IGF2R: variants seen among roughly 807,000 people sequenced by gnomAD.
IGF2R encodes insulin like growth factor 2 receptor, also known as cation-independent mannose-6-phosphate receptor.
A neutral mutation model predicts 270.6 loss-of-function variants in IGF2R; 91 were observed. That is an observed-to-expected ratio of 0.34 (90% CI 0.28 to 0.40). IGF2R has a LOEUF of 0.40. Among genes scored for constraint, IGF2R ranks in the 10% least tolerant of loss-of-function variants. The pLI, the probability that IGF2R is intolerant of heterozygous loss-of-function variation, is 1.00. For synonymous variants in IGF2R, 1,316 were observed against 1,258.9 expected (o/e 1.05, Z -0.96); for missense variants, 2,805 against 3,188.3 (o/e 0.88, Z 2.90).
intron 2 of IGF2R, among the ~76,000 whole-genome samples, chr6:159,999,600 G>GA (rs1195559795): frequency 6.6e-6 from 1 of 152,142 alleles, no homozygotes; most frequent in Non-Finnish European, 1.5e-5. Context: ...TGTTAGAAAG[G>GA]AAAAAATGTG....
intron 39 of IGF2R, among the ~76,000 whole-genome samples, chr6:160,083,238 A>G (rs1779024971): frequency 6.6e-6 from 1 of 152,250 alleles, no homozygotes; most frequent in Non-Finnish European, 1.5e-5. Flanking sequence ...GGACATGCAC[A>G]TAGGCCAAAT....
At chr6:160,033,823 A>G (rs1234834374) in intron 9 of IGF2R, among the ~76,000 whole-genome samples, 1 of 152,240 alleles carries the variant, frequency 6.6e-6, no homozygotes, top group African/African-American at 2.4e-5. Context: ...AAATGCATTC[A>G]GCACATTTCT....
At chr6:159,980,239 G>GAAGGAAAGAAGGAAAGAAGGAAA (rs1562330724) in intron 1 of IGF2R, among the ~76,000 whole-genome samples, 1 of 145,860 alleles carries the variant, frequency 6.9e-6, no homozygotes, top group African/African-American at 2.6e-5. Flanking sequence ...AAGAAAGAAA[G>GAAGGAAAGAAGGAAAGAAGGAAA]GTACATGGAA....
chr6:160,073,654 CT>C, intron 34 of IGF2R, 102 bp from the exon 35 acceptor site: 8 of 1,171,014 alleles, frequency 6.8e-6, no homozygotes, highest in African/African-American at 1.5e-5. Flanking sequence ...CACCTTTCTA[CT>C]TTTTTTGTTG....
chr6:160,093,757 T>G (rs546550615), intron 44 of IGF2R: 1 of 754,644 alleles, frequency 1.3e-6, no homozygotes, highest in Non-Finnish European at 2.5e-6. Context: ...AACTGCAGTT[T>G]GCTTTTCGAC....
chr6:160,086,211 A>G (rs1779094769), intron 41 of IGF2R, among the ~76,000 whole-genome samples: 1 of 152,192 alleles, frequency 6.6e-6, no homozygotes, highest in South Asian at 2.1e-4. Flanking sequence ...TTTGGAGAGC[A>G]CCATTTTGCA....
Position 160,096,641 on chromosome 6 carries a change from G to A in IGF2R, c.6842+16G>A, listed in dbSNP as rs780628939. ...GTCCTCTGGGGTGAGTATGACATCCGGAAGCTTAGCACTTGTACCCCACAT... is the reference window on the plus strand; with the variant it reads ...GTCCTCTGGGGTGAGTATGACATCCAGAAGCTTAGCACTTGTACCCCACAT... On this transcript the variant is annotated intron_variant, in intron 45 of 47. Transcript: ENST00000356956. 20 of 1,595,190 alleles carry A rather than the reference G, an allele frequency of 1.3e-5. No homozygotes were observed. The highest frequency in any genetic ancestry group is 6.9e-5 in the Admixed American group (4 of 58,200).
chr6:160,065,070 T>A (rs575904452), intron 29 of IGF2R, among the ~76,000 whole-genome samples, 169 bp downstream of exon 29: 6 of 152,298 alleles, frequency 3.9e-5, no homozygotes, highest in Non-Finnish European at 1.5e-5. Context: ...CTCAGCTCCG[T>A]CACCACCTGG....
intron 31 of IGF2R, 93 bp from the exon 32 acceptor site, chr6:160,071,817 T>C (rs1778745060): frequency 5.3e-6 from 8 of 1,510,160 alleles, no homozygotes; most frequent in South Asian, 4.7e-5. Flanking sequence ...TGCTGTGGAG[T>C]TTTTCAGAGA....
chr6:160,103,389 G>A (rs76430874), intron 46 of IGF2R, among the ~76,000 whole-genome samples: 88 of 152,224 alleles, frequency 5.8e-4, no homozygotes, highest in Non-Finnish European at 1.1e-3. Flanking sequence ...AAGAAGGTCT[G>A]GGCCGGGAAG....
chr6:160,028,196 T>C (rs1777607901), intron 6 of IGF2R, among the ~76,000 whole-genome samples: 1 of 152,242 alleles, frequency 6.6e-6, no homozygotes, highest in East Asian at 1.9e-4. Context: ...CTGAGGCCTC[T>C]CTCCTTGGCT....
rs1410949993 is a variant in IGF2R, at chr6:160,105,850, G to T, written c.*766G>T. On this transcript the variant is annotated 3_prime_UTR_variant, in exon 48 of 48. Coordinates refer to ENST00000356956, the MANE Select transcript of IGF2R (RefSeq NM_000876.4). ...CTGGGCGTACAGAGCACATTTGTCA[G>T]TATTTTTGCCGGCTGGTGAATTCAA... is the stretch of plus-strand genomic sequence containing the variant. The T allele has an allele frequency of 1.3e-5, 2 of 152,086 alleles. No individual in the cohort carries two copies. The highest frequency in any genetic ancestry group is 2.9e-5 in the Non-Finnish European group (2 of 68,006). The allele number at this position is 152,086 out of a possible 1,614,324, so 9.4% of individuals were successfully genotyped here.
chr6:159,990,336 A>G (rs1213352294), intron 1 of IGF2R, among the ~76,000 whole-genome samples: 1 of 151,654 alleles, frequency 6.6e-6, no homozygotes, highest in Non-Finnish European at 1.5e-5. Flanking sequence ...GGGGGCGGTT[A>G]CCCTTATGCT....
At chr6:160,096,190 T>C (rs564044829) in intron 44 of IGF2R, 16 of 376,836 alleles carry the variant, frequency 4.2e-5, no homozygotes, top group African/African-American at 3.1e-4. Context: ...GTGTCTTCAG[T>C]CCATCAATAA....
intron 9 of IGF2R, among the ~76,000 whole-genome samples, 169 bp downstream of exon 9, chr6:160,033,276 A>G (rs1042070502): frequency 1.3e-5 from 2 of 152,164 alleles, no homozygotes; most frequent in Admixed American, 1.3e-4. Context: ...AGCTGGGACT[A>G]CAGGCAGGCA....
chr6:160,008,356 C>T (rs1784278613), intron 2 of IGF2R, among the ~76,000 whole-genome samples: 1 of 152,012 alleles, frequency 6.6e-6, no homozygotes, highest in Non-Finnish European at 1.5e-5. Context: ...GTTTAATTCA[C>T]ATTTGTGTCT....
intron 44 of IGF2R, chr6:160,095,364 A>G (rs1290752231): frequency 6.6e-6 from 1 of 152,512 alleles, no homozygotes. Context: ...AATGCTTTTC[A>G]CTATACGTTT....
At chr6:160,000,975 G>A (rs1371787907) in intron 2 of IGF2R, among the ~76,000 whole-genome samples, 5 of 151,884 alleles carry the variant, frequency 3.3e-5, no homozygotes, top group African/African-American at 1.2e-4. Context: ...GACCTCAAGT[G>A]ATCCACCCGC....
intron 1 of IGF2R, among the ~76,000 whole-genome samples, chr6:159,975,912 G>C (rs1054971724): frequency 3.3e-5 from 5 of 151,354 alleles, no homozygotes; most frequent in African/African-American, 1.2e-4. Context: ...TATGAAATAT[G>C]CTTACAGCTC....
Sources: gnomAD v4.1 joint callset for allele counts (sites outside exome capture counted in the v4.1 genomes callset) on GRCh38, gnomAD v4.1.1 for gene constraint, MANE v1.5 for transcripts, NCBI Gene and HGNC (gene_info 2026-07-23, HGNC 2026-07-21) for gene names.